Variants in MTCL1 observed in about 807,000 individuals in gnomAD.
MTCL1 encodes microtubule crosslinking factor 1, also known as microtubule cross-linking factor 1.
Under a neutral mutation model 141.4 loss-of-function variants are expected in MTCL1, and 79 were observed. The ratio of observed to expected loss-of-function variants is 0.56; its 90% CI spans 0.47 to 0.67. The LOEUF (loss-of-function observed/expected upper bound fraction) is 0.67, where lower values mean the gene tolerates loss of function less well. Among genes scored for constraint, MTCL1 ranks in the 30% least tolerant of loss-of-function variants. The pLI, the probability that MTCL1 is intolerant of heterozygous loss-of-function variation, is 0.00. For missense variants in MTCL1, 2,177 were observed against 2,113.9 expected, an observed-to-expected ratio of 1.03 and a Z score of -0.59; for synonymous variants, 914 against 875.8, an observed-to-expected ratio of 1.04 and a Z score of -0.77.
chr18:8,758,368 C>T (rs2096413369), intron 4 of MTCL1, among the ~76,000 whole-genome samples: 1 of 152,186 alleles, frequency 6.6e-6, no homozygotes, highest in South Asian at 2.1e-4. Context: ...GATCTACCAC[C>T]AGGAGATCTT....
chr18:8,735,352 T>C (rs1479749914), intron 4 of MTCL1, among the ~76,000 whole-genome samples: 1 of 152,196 alleles, frequency 6.6e-6, no homozygotes, highest in Non-Finnish European at 1.5e-5. Flanking sequence ...AAGAGCACAC[T>C]GTTCTGGCTG....
At chr18:8,798,759 A>T (rs1446256446) in intron 10 of MTCL1, among the ~76,000 whole-genome samples, 1 of 152,230 alleles carries the variant, frequency 6.6e-6, no homozygotes, top group Non-Finnish European at 1.5e-5. Context: ...GAAAAAAATT[A>T]ATGTATAAAG....
chr18:8,791,887 G>C (rs1272592464), intron 7 of MTCL1, among the ~76,000 whole-genome samples: 1 of 151,630 alleles, frequency 6.6e-6, no homozygotes, highest in African/African-American at 2.4e-5. Context: ...GCTGAACTTG[G>C]TGAATCCCCA....
At chr18:8,754,974 G>A (rs74802416) in intron 4 of MTCL1, among the ~76,000 whole-genome samples, 4,216 of 152,240 alleles carry the variant, frequency 0.028, 80 homozygotes, top group South Asian at 0.064. Context: ...AGCCTGGTGC[G>A]TTTGGTCCTG....
At chr18:8,829,853 TGTTAC>T (rs1310642438) in intron 16 of MTCL1, 44 of 985,148 alleles carry the variant, frequency 4.5e-5, no homozygotes, top group Admixed American at 1.2e-4. Flanking sequence ...CATGCCGGTG[TGTTAC>T]TAAGGAAAAG....
intron 4 of MTCL1, among the ~76,000 whole-genome samples, chr18:8,776,722 GTTATTTATTTATTTATTTAT>G (rs140591538): frequency 6.6e-4 from 94 of 142,776 alleles, no homozygotes; most frequent in Middle Eastern, 3.6e-3. Context: ...GGAAACACTA[GTTATTTATTTATTTATTTAT>G]TTATTTATTT....
chr18:8,784,076 G>A (rs1297153818), exon 6 of MTCL1: 1 of 1,613,422 alleles, frequency 6.2e-7, no homozygotes, highest in South Asian at 1.1e-5. Flanking sequence ...CTGGCTAGGA[G>A]AGGGTGCAAG....
Position 8,830,082 on chromosome 18 carries a change from C to T in MTCL1, c.*18+1118C>T, listed in dbSNP as rs627543. 393,592 of 985,210 alleles carry T rather than the reference C, an allele frequency of 0.4. 80,898 individuals carry two copies. Among genetic ancestry groups the T allele is most frequent in the South Asian group, 0.49 (10,497 of 21,274 alleles). The allele number at this position is 985,210 out of a possible 1,614,324, so 61.0% of individuals were successfully genotyped here. ...ACAATACACAACACACACACTACTT[C>T]TATAACAAGGGGAGCGCAGACACAA... On this transcript the variant is annotated intron_variant, in intron 16 of 16. Coordinates refer to ENST00000359865, the Ensembl canonical transcript of MTCL1. The surrounding 1 kb of genome is among the most constrained non-coding windows in gnomAD (Gnocchi z 6.4).
In MTCL1 at chr18:8,730,705, G is replaced by A. The variant is rs951253434; in HGVS notation, c.357+10209G>A. Among the ~76,000 whole-genome samples, 7 of 152,290 alleles carry A rather than the reference G, an allele frequency of 4.6e-5. No homozygotes were observed. The South Asian group carries it at 1.2e-3, about 27-fold the overall frequency. On this transcript the variant is annotated intron_variant, in intron 4 of 16. Transcript: ENST00000359865. ...TCGCCCACAGCACTGCAGGCTCCGG[G>A]GGACCTTTTAGGGCAGATTATGGCA...
In MTCL1 at chr18:8,784,729, C is replaced by T. The variant is rs747136008; in HGVS notation, c.1617C>T (p.Gly539=). The stretch of plus-strand genomic sequence containing the variant: ...AGCAGGTGAACCGCATTGGGGATGG[C>T]CTATCCCCCTTGCCCCACCTCACAG... The change falls in exon 6 of 17, where the codon GGC becomes GGT. Residue 539 remains glycine (G), a synonymous_variant. Coordinates refer to ENST00000359865, the Ensembl canonical transcript of MTCL1. 25 of 1,614,190 alleles carry T rather than the reference C, an allele frequency of 1.5e-5. No homozygotes were observed. In the Admixed American group the frequency reaches 3.8e-4, roughly 25 times the overall value.
chr18:8,796,238 G>A lies in MTCL1; in HGVS notation c.2017G>A (p.Glu673Lys). ...CTCTCTTATTCCATTCAAGATGGAG[G>A]AGGAGCACCTCTATGCCTTGAGGTG... The change falls in exon 9 of 17, where the codon GAG (glutamate) becomes AAG (lysine). Residue 673 changes from glutamate (E) to lysine (K), a missense_variant. Coordinates refer to ENST00000359865, the Ensembl canonical transcript of MTCL1. 1.9e-6 allele frequency: 3 copies of A among 1,614,174 alleles called. No individual in the cohort carries two copies. The East Asian group carries it at 6.7e-5, about 36-fold the overall frequency.
intron 11 of MTCL1, among the ~76,000 whole-genome samples, chr18:8,812,002 G>A (rs2076503334): frequency 6.6e-6 from 1 of 152,214 alleles, no homozygotes; most frequent in Non-Finnish European, 1.5e-5. Flanking sequence ...CATGCTGCCT[G>A]AGGAAATTGC....
At chr18:8,706,355 G>T in exon 1 of MTCL1, 2 of 1,230,496 alleles carry the variant, frequency 1.6e-6, no homozygotes, top group Non-Finnish European at 2.0e-6. Context: ...GCCGCCAGCA[G>T]CGACGCCGAA....
exon 6 of MTCL1, chr18:8,784,673 G>C (rs749117532): frequency 7.4e-6 from 12 of 1,614,048 alleles, no homozygotes; most frequent in Admixed American, 6.7e-5. Context: ...CAAGATGAAG[G>C]CTTTCAAGAA....
At chr18:8,705,624 G>T, upstream of MTCL1, 1 of 1,184,438 alleles carries the variant, frequency 8.4e-7, no homozygotes, top group Non-Finnish European at 1.0e-6. This position sits in a 1 kb window ranked among gnomAD's most constrained non-coding sequence, Gnocchi z 5.2. Context: ...GTCGTCCGGA[G>T]CATCTGCTGC....
upstream of MTCL1, among the ~76,000 whole-genome samples, chr18:8,715,450 A>G (rs1291385427): frequency 6.6e-6 from 1 of 152,230 alleles, no homozygotes; most frequent in East Asian, 1.9e-4. Context: ...CTTTCCATGA[A>G]CAGAATGGCC....
intron 4 of MTCL1, among the ~76,000 whole-genome samples, chr18:8,721,916 T>C (rs544851): frequency 0.33 from 50,206 of 151,912 alleles, 8,668 homozygotes; most frequent in Admixed American, 0.47. Flanking sequence ...GAGGAGTGAA[T>C]GAAGGGGGCG....
intron 10 of MTCL1, among the ~76,000 whole-genome samples, chr18:8,803,233 T>C (rs1288968433): frequency 6.6e-6 from 1 of 151,404 alleles, no homozygotes; most frequent in Non-Finnish European, 1.5e-5. Flanking sequence ...TATTCCTGGC[T>C]CGGTTTGTTG....
chr18:8,785,711 C>T (rs550125675), intron 6 of MTCL1: 42 of 574,498 alleles, frequency 7.3e-5, no homozygotes, highest in African/African-American at 6.1e-4. Flanking sequence ...CGCCCCTTTG[C>T]TCATCCTCAT....
Sources: allele counts gnomAD v4.1 joint callset (sites outside exome capture counted in the v4.1 genomes callset), GRCh38; gene constraint gnomAD v4.1.1; non-coding constraint Gnocchi (gnomAD v3.1); transcripts MANE v1.5; gene names NCBI Gene and HGNC (gene_info 2026-07-23, HGNC 2026-07-21).